QTMAN: variants seen among roughly 807,000 people sequenced by gnomAD.
QTMAN encodes the protein queuosine-tRNA mannosyltransferase.
At chr2:144,122,637 A>C in the QTMAN span, among the ~76,000 whole-genome samples, 37 of 151,384 alleles carry the variant, frequency 2.4e-4, no homozygotes, top group African/African-American at 8.7e-4. Context: ...CCTCCAAAAA[A>C]CTCTCCTCTG....
chr2:144,213,829 G>A, the QTMAN span, among the ~76,000 whole-genome samples: 2 of 152,196 alleles, frequency 1.3e-5, no homozygotes, highest in South Asian at 2.1e-4. Flanking sequence ...AAACTTGAGC[G>A]GTATTTCTCA....
At chr2:144,182,611 T>A in the QTMAN span, among the ~76,000 whole-genome samples, 18 of 112,478 alleles carry the variant, frequency 1.6e-4, 1 homozygote, top group South Asian at 4.5e-3. Context: ...ACCATTGCAC[T>A]CCAGGCTGGA....
chr2:144,038,875 C>T, the QTMAN span, among the ~76,000 whole-genome samples: 1 of 152,146 alleles, frequency 6.6e-6, no homozygotes, highest in South Asian at 2.1e-4. Flanking sequence ...TTAAACACAA[C>T]ATGTAGAAGA....
the QTMAN span, among the ~76,000 whole-genome samples, chr2:144,110,839 T>C: frequency 6.6e-6 from 1 of 152,210 alleles, no homozygotes; most frequent in Non-Finnish European, 1.5e-5. Context: ...TTAGATGAAG[T>C]AGGGACACTT....
At chr2:144,215,261 A>AT in the QTMAN span, among the ~76,000 whole-genome samples, 635 of 142,496 alleles carry the variant, frequency 4.5e-3, 1 homozygote, top group East Asian at 0.029. Context: ...AAAAAAAAAA[A>AT]ATATATATAT....
At chr2:144,326,643 G>A in the QTMAN span, among the ~76,000 whole-genome samples, 1 of 150,178 alleles carries the variant, frequency 6.7e-6, no homozygotes, top group Non-Finnish European at 1.5e-5. Flanking sequence ...GCAATGAAAC[G>A]TCTAAGCTTC....
At chr2:144,081,975 C>T in the QTMAN span, among the ~76,000 whole-genome samples, 1 of 152,154 alleles carries the variant, frequency 6.6e-6, no homozygotes, top group African/African-American at 2.4e-5. Flanking sequence ...GCAGCCTTGA[C>T]TTCCTAGGCT....
At chr2:143,947,058 A>G in the QTMAN span, 1 of 1,611,860 alleles carries the variant, frequency 6.2e-7, no homozygotes, top group Non-Finnish European at 8.5e-7. Context: ...TCTGTCACAA[A>G]TCTTCCCTAG....
chr2:144,202,848 A>C, the QTMAN span, among the ~76,000 whole-genome samples: 1 of 152,198 alleles, frequency 6.6e-6, no homozygotes, highest in Non-Finnish European at 1.5e-5. Context: ...TTTATTTTTT[A>C]AAATAAGCTA....
At chr2:144,037,788 T>G in the QTMAN span, among the ~76,000 whole-genome samples, 2 of 152,216 alleles carry the variant, frequency 1.3e-5, no homozygotes, top group East Asian at 3.8e-4. Context: ...AAACGGACTC[T>G]GGAATTCTAG....
the QTMAN span, among the ~76,000 whole-genome samples, chr2:144,241,009 C>G: frequency 2.6e-5 from 4 of 152,176 alleles, no homozygotes; most frequent in Non-Finnish European, 5.9e-5. Flanking sequence ...GCCCCATAAC[C>G]AGAGATTCTG....
At chr2:144,144,149 C>T in the QTMAN span, among the ~76,000 whole-genome samples, 2 of 151,920 alleles carry the variant, frequency 1.3e-5, no homozygotes, top group Non-Finnish European at 2.9e-5. Context: ...CATTCCCTAT[C>T]AGCAAAAACA....
At chr2:144,205,968 C>T in the QTMAN span, among the ~76,000 whole-genome samples, 4 of 152,264 alleles carry the variant, frequency 2.6e-5, no homozygotes, top group African/African-American at 7.2e-5. Context: ...GTTGAGCTTT[C>T]GTAATCTATA....
chr2:144,130,410 C>A, the QTMAN span, among the ~76,000 whole-genome samples: 1 of 151,834 alleles, frequency 6.6e-6, no homozygotes, highest in Non-Finnish European at 1.5e-5. Flanking sequence ...GAGAAAGCAA[C>A]TGTTAATCAA....
chr2:144,133,155 T>TATATGA, the QTMAN span, among the ~76,000 whole-genome samples: 1 of 42,384 alleles, frequency 2.4e-5, no homozygotes, highest in African/African-American at 1.4e-4. Flanking sequence ...ATATATAATA[T>TATATGA]AATATAATAT....
chr2:143,973,840 A>T, the QTMAN span, among the ~76,000 whole-genome samples: 2 of 152,106 alleles, frequency 1.3e-5, no homozygotes, highest in Non-Finnish European at 2.9e-5. Context: ...ATTATTAAAG[A>T]TGTACACAAA....
At chr2:144,061,215 A>G in the QTMAN span, among the ~76,000 whole-genome samples, 31 of 152,304 alleles carry the variant, frequency 2.0e-4, no homozygotes, top group Non-Finnish European at 3.7e-4. Flanking sequence ...GAAGTTCGAG[A>G]AAACAAAATA....
the QTMAN span, among the ~76,000 whole-genome samples, chr2:144,078,940 T>C: frequency 6.6e-6 from 1 of 152,254 alleles, no homozygotes; most frequent in East Asian, 1.9e-4. Flanking sequence ...TGGCGATTTG[T>C]TGAAGAACCA....
the QTMAN span, chr2:144,211,023 A>C: frequency 6.6e-6 from 1 of 152,188 alleles, no homozygotes; most frequent in Non-Finnish European, 1.5e-5. Flanking sequence ...CCTCAAAGAA[A>C]GCAATATAAA....
Sources: gnomAD v4.1 joint callset for allele counts (sites outside exome capture counted in the v4.1 genomes callset) on GRCh38, gnomAD v4.1.1 for gene constraint, MANE v1.5 for transcripts, NCBI Gene and HGNC (gene_info 2026-07-23, HGNC 2026-07-21) for gene names.